The following UBE2E2 variants were observed in gnomAD, a reference collection of about 807,000 sequenced individuals.
The protein encoded by UBE2E2 is ubiquitin conjugating enzyme E2 E2.
A neutral mutation model predicts 24.7 loss-of-function variants in UBE2E2; 6 were observed. The ratio of observed to expected loss-of-function variants is 0.24; its 90% CI spans 0.13 to 0.48. The LOEUF (loss-of-function observed/expected upper bound fraction) is 0.48, where lower values mean the gene tolerates loss of function less well. UBE2E2 is among the 20% of genes least tolerant of loss of function. The pLI is 0.99. For missense variants in UBE2E2, 169 were observed against 245.0 expected, an observed-to-expected ratio of 0.69 and a Z score of 2.07; for synonymous variants, 104 against 83.6, an observed-to-expected ratio of 1.24 and a Z score of -1.33.
chr3:23,406,517 T>C (rs1035098424), intron 3 of UBE2E2, among the ~76,000 whole-genome samples: 1 of 152,184 alleles, frequency 6.6e-6, no homozygotes, highest in African/African-American at 2.4e-5. Context: ...GTTTTTAATA[T>C]TGTTGTTATG....
At chr3:23,498,530 G>A (rs926817992) in intron 3 of UBE2E2, among the ~76,000 whole-genome samples, 1 of 152,052 alleles carries the variant, frequency 6.6e-6, no homozygotes, top group African/African-American at 2.4e-5. Context: ...TTTGATATCA[G>A]GTCTCCCTAC....
intron 3 of UBE2E2, among the ~76,000 whole-genome samples, chr3:23,430,535 G>GT (rs1468008014): frequency 6.6e-6 from 1 of 150,704 alleles, no homozygotes; most frequent in Non-Finnish European, 1.5e-5. Context: ...TTGTTTTTTT[G>GT]TTTTTTTCTT....
At chr3:23,274,789 C>G (rs780467656) in intron 3 of UBE2E2, among the ~76,000 whole-genome samples, 11 of 152,112 alleles carry the variant, frequency 7.2e-5, no homozygotes, top group Non-Finnish European at 1.5e-4. Context: ...CTGAGTAGCT[C>G]TTATTATTTC....
chr3:23,345,865 G>A (rs775056179), intron 3 of UBE2E2, among the ~76,000 whole-genome samples: 7 of 152,020 alleles, frequency 4.6e-5, no homozygotes, highest in Non-Finnish European at 8.8e-5. Flanking sequence ...TTGTATTTAA[G>A]GTTAGCAGAG....
intron 3 of UBE2E2, among the ~76,000 whole-genome samples, chr3:23,481,162 G>A (rs1238956532): frequency 1.3e-5 from 2 of 152,154 alleles, no homozygotes; most frequent in South Asian, 2.1e-4. Context: ...AGCCCAGCTG[G>A]CATAAGCACT....
intron 5 of UBE2E2, among the ~76,000 whole-genome samples, chr3:23,586,260 A>G (rs1696623042): frequency 6.6e-6 from 1 of 152,218 alleles, no homozygotes; most frequent in South Asian, 2.1e-4. Flanking sequence ...TGTTGAATAG[A>G]ATTTTAAGTG....
intron 4 of UBE2E2, among the ~76,000 whole-genome samples, chr3:23,514,758 A>G (rs991048709): frequency 6.6e-6 from 1 of 152,142 alleles, no homozygotes; most frequent in Admixed American, 6.5e-5. Context: ...CTGGTCAAAT[A>G]GAGGGGTTTC....
intron 3 of UBE2E2, among the ~76,000 whole-genome samples, chr3:23,221,234 A>G (rs369511675): frequency 4.6e-5 from 7 of 152,296 alleles, no homozygotes; most frequent in South Asian, 2.1e-4. Context: ...TTCTATTTCT[A>G]TGTGTTTCAA....
chr3:23,585,425 T>G (rs1696601236), intron 5 of UBE2E2, among the ~76,000 whole-genome samples: 1 of 151,434 alleles, frequency 6.6e-6, no homozygotes, highest in South Asian at 2.1e-4. Flanking sequence ...GGAAATGTGA[T>G]TTAGAGGAAA....
intron 5 of UBE2E2, among the ~76,000 whole-genome samples, chr3:23,584,179 G>T (rs1294944669): frequency 6.6e-6 from 1 of 152,140 alleles, no homozygotes; most frequent in African/African-American, 2.4e-5. Context: ...TGATCACGTG[G>T]TTTTTTGTTT....
chr3:23,294,455 A>C (rs904331602), intron 3 of UBE2E2, among the ~76,000 whole-genome samples: 1 of 151,946 alleles, frequency 6.6e-6, no homozygotes, highest in Non-Finnish European at 1.5e-5. Flanking sequence ...TTACAATCTT[A>C]TTCTACCAGA....
intron 3 of UBE2E2, among the ~76,000 whole-genome samples, chr3:23,385,233 TTGTTTTAGGATCA>T (rs1200984740): frequency 1.3e-5 from 2 of 152,258 alleles, no homozygotes; most frequent in Non-Finnish European, 2.9e-5. Flanking sequence ...TTGCAAGCGA[TTGTTTTAGGATCA>T]TGTTCTTTTC....
At chr3:23,212,502 A>G (rs1183219690) in intron 2 of UBE2E2, among the ~76,000 whole-genome samples, 1 of 152,148 alleles carries the variant, frequency 6.6e-6, no homozygotes, top group Non-Finnish European at 1.5e-5. Context: ...TACATCTGTA[A>G]ATGTGAATTT....
intron 5 of UBE2E2, among the ~76,000 whole-genome samples, chr3:23,557,636 T>C (rs1453420667): frequency 6.6e-6 from 1 of 152,208 alleles, no homozygotes; most frequent in African/African-American, 2.4e-5. Flanking sequence ...ACAGTGGCTC[T>C]GTCAGGAATA....
At chr3:23,568,703 A>ACACATATG (rs1559424949) in intron 5 of UBE2E2, among the ~76,000 whole-genome samples, 1 of 140,350 alleles carries the variant, frequency 7.1e-6, no homozygotes, top group South Asian at 2.3e-4. Flanking sequence ...ACACATATAT[A>ACACATATG]TATACATGTA....
chr3:23,418,828 A>T (rs1331323128), intron 3 of UBE2E2, among the ~76,000 whole-genome samples: 1 of 152,236 alleles, frequency 6.6e-6, no homozygotes, highest in African/African-American at 2.4e-5. Context: ...ATTTAGTGGT[A>T]TTTAAGTTAT....
intron 3 of UBE2E2, among the ~76,000 whole-genome samples, chr3:23,427,932 A>G (rs775539783): frequency 3.6e-4 from 55 of 152,272 alleles, no homozygotes; most frequent in Non-Finnish European, 5.6e-4. Context: ...AAAAACTTAC[A>G]GAACTATAAA....
intron 3 of UBE2E2, among the ~76,000 whole-genome samples, chr3:23,254,394 G>A (rs1438144345): frequency 2.6e-5 from 4 of 152,194 alleles, no homozygotes; most frequent in African/African-American, 7.2e-5. Flanking sequence ...TTCTGGAAGT[G>A]TGCGTAGGTA....
At chr3:23,303,210 G>A (rs1699149464) in intron 3 of UBE2E2, among the ~76,000 whole-genome samples, 1 of 151,942 alleles carries the variant, frequency 6.6e-6, no homozygotes, top group African/African-American at 2.4e-5. Context: ...CCCCCAGATG[G>A]GGACCATCTA....
Sources: gnomAD v4.1 joint callset for allele counts (sites outside exome capture counted in the v4.1 genomes callset) on GRCh38, gnomAD v4.1.1 for gene constraint, MANE v1.5 for transcripts, NCBI Gene and HGNC (gene_info 2026-07-23, HGNC 2026-07-21) for gene names.